POLA1: variants seen among roughly 807,000 people sequenced by gnomAD.
The protein encoded by POLA1 is DNA polymerase alpha 1, catalytic subunit.
Under a neutral mutation model 124.0 loss-of-function variants are expected in POLA1, and 15 were observed. The observed-to-expected ratio is 0.12, with a 90% CI of 0.08 to 0.19. The LOEUF (loss-of-function observed/expected upper bound fraction) is 0.19, where lower values mean the gene tolerates loss of function less well. Among genes scored for constraint, POLA1 ranks in the 10% least tolerant of loss-of-function variants. The pLI, the probability that POLA1 is intolerant of heterozygous loss-of-function variation, is 1.00. For synonymous variants in POLA1, 408 were observed against 389.4 expected, an observed-to-expected ratio of 1.05 and a Z score of -0.56; for missense variants, 886 against 1,103.4, an observed-to-expected ratio of 0.80 and a Z score of 2.79.
intron 26 of POLA1, among the ~76,000 whole-genome samples, chrX:24,790,369 T>A (rs927978615): frequency 1.8e-5 from 2 of 112,302 alleles, no homozygotes; most frequent in African/African-American, 3.2e-5. Flanking sequence ...TTTTATTTAG[T>A]AATAAGGGAT....
intron 36 of POLA1, among the ~76,000 whole-genome samples, chrX:24,950,315 T>G (rs1488857250): frequency 8.9e-6 from 1 of 112,023 alleles, no homozygotes; most frequent in Non-Finnish European, 1.9e-5. Flanking sequence ...GCCCCACATG[T>G]AGCTGTTGAA....
At chrX:24,792,110 A>G (rs187306555) in intron 26 of POLA1, among the ~76,000 whole-genome samples, 2 of 112,405 alleles carry the variant, frequency 1.8e-5, no homozygotes, top group African/African-American at 3.2e-5. Context: ...ATCAGGAGAA[A>G]GACTTTTTTT....
chrX:24,753,052 C>T (rs1267236634), intron 26 of POLA1, among the ~76,000 whole-genome samples: 4 of 109,935 alleles, frequency 3.6e-5, no homozygotes. Flanking sequence ...CTCTCTGTTG[C>T]CCAGGCTGGA....
intron 26 of POLA1, among the ~76,000 whole-genome samples, chrX:24,762,071 A>G (rs1056385417): frequency 2.7e-5 from 3 of 112,250 alleles, no homozygotes; most frequent in Non-Finnish European, 5.6e-5. Flanking sequence ...CAAGTCATCC[A>G]TTCTGCCTTT....
At position 24,815,200 on chromosome X, in the gene POLA1, T is replaced by C. The variant is rs973792913; in HGVS notation, c.3429+89T>C. 9 of 838,618 alleles carry C rather than the reference T, an allele frequency of 1.1e-5. No individual in the cohort carries two copies. The African/African-American group carries it at 1.4e-4, about 13-fold the overall frequency. 69.1% of individuals were successfully genotyped at this position (838,618 alleles called of 1,213,427 possible). ...TTGAAGAACCACCTCATCCTTGCAA[T>C]TGAAATAAATTCTAGCTGGTGATGA... On this transcript the variant is annotated intron_variant, in intron 30 of 36. Transcript: ENST00000379068.
At chrX:24,981,762 TTGG>T (rs1316795700) in intron 36 of POLA1, among the ~76,000 whole-genome samples, 1 of 112,327 alleles carries the variant, frequency 8.9e-6, no homozygotes, top group African/African-American at 3.2e-5. Flanking sequence ...CTCATTATAT[TTGG>T]TGGTAAATAA....
In POLA1 at chrX:24,880,987, C is replaced by T. The variant is rs1056413560; in HGVS notation, c.4048-7019C>T. Reference sequence around the variant, plus strand: ...TGAGCCATTACAATTTAAACTAAATCGTACGTCACTGCAGAACCATGCTGT... The same window carrying T: ...TGAGCCATTACAATTTAAACTAAATTGTACGTCACTGCAGAACCATGCTGT... On this transcript the variant is annotated intron_variant, in intron 34 of 36. Coordinates refer to ENST00000379068, the MANE Select transcript of POLA1 (RefSeq NM_001330360.2). Among the ~76,000 whole-genome samples the T allele has an allele frequency of 2.7e-5, 3 of 112,010 alleles. No individual in the cohort carries two copies. In the South Asian group the frequency reaches 1.1e-3, roughly 42 times the overall value.
At chrX:24,773,251 T>C (rs1311480486) in intron 26 of POLA1, among the ~76,000 whole-genome samples, 2 of 112,559 alleles carry the variant, frequency 1.8e-5, no homozygotes, top group African/African-American at 6.5e-5. Context: ...GCAGAACAAC[T>C]ATACTCTGGA....
At chrX:24,710,169 G>A (rs1344444828) in intron 4 of POLA1, among the ~76,000 whole-genome samples, 3 of 107,610 alleles carry the variant, frequency 2.8e-5, no homozygotes, top group Admixed American at 2.0e-4. Flanking sequence ...AATTTACCAC[G>A]AGTGACATTT....
At chrX:24,902,133 GGGT>G (rs2047289202) in intron 35 of POLA1, among the ~76,000 whole-genome samples, 1 of 111,929 alleles carries the variant, frequency 8.9e-6, no homozygotes, top group Non-Finnish European at 1.9e-5. Flanking sequence ...TGTGTTGAAG[GGGT>G]GGTGGGAAGT....
chrX:24,718,881 A>G (rs1173943298), intron 10 of POLA1, among the ~76,000 whole-genome samples: 1 of 111,485 alleles, frequency 9.0e-6, no homozygotes, highest in Non-Finnish European at 1.9e-5. Flanking sequence ...AATGGATTGG[A>G]TGGGGGAGGT....
chrX:24,721,587 G>A lies in POLA1; in HGVS notation c.1088-1568G>A, dbSNP rs76582385. Among the ~76,000 whole-genome samples the A allele has an allele frequency of 3.6e-5, 4 of 112,152 alleles. No individual in the cohort carries two copies. In the East Asian group the frequency reaches 1.1e-3, roughly 31 times the overall value. Reference sequence around the variant, plus strand: ...ACAGATTCTAAGTAAGTCAGTTGTTGCTGAATGCTCCATAATTATGAAAAG... The same window carrying A: ...ACAGATTCTAAGTAAGTCAGTTGTTACTGAATGCTCCATAATTATGAAAAG... On this transcript the variant is annotated intron_variant, in intron 10 of 36. Coordinates refer to ENST00000379068, the MANE Select transcript of POLA1 (RefSeq NM_001330360.2).
rs762460788 is a variant in POLA1 at position 24,855,793 on chromosome X, C to T, written c.4047+12116C>T. 1.2e-4 allele frequency among the ~76,000 whole-genome samples: 13 copies of T among 111,020 alleles called. No individual in the cohort carries two copies. In the South Asian group the frequency reaches 3.5e-3, roughly 30 times the overall value. On this transcript the variant is annotated intron_variant, in intron 34 of 36. Coordinates refer to ENST00000379068, the MANE Select transcript of POLA1 (RefSeq NM_001330360.2). ...GCAGTGTTCCATGTATACCAAAACC[C>T]GTGCATACTGAAGTCCCACACTTGA...
At chrX:24,872,493 A>G (rs778462810) in intron 34 of POLA1, among the ~76,000 whole-genome samples, 1 of 111,914 alleles carries the variant, frequency 8.9e-6, no homozygotes, top group South Asian at 3.7e-4. Flanking sequence ...TAGGATTGTC[A>G]GTTCCCCTAA....
intron 34 of POLA1, among the ~76,000 whole-genome samples, chrX:24,870,990 C>A (rs1244613285): frequency 8.9e-6 from 1 of 111,738 alleles, no homozygotes; most frequent in Admixed American, 9.5e-5. Context: ...GTATTAAAAT[C>A]CGTAGCAACC....
At chrX:24,916,290 T>TA (rs1443871950) in intron 35 of POLA1, among the ~76,000 whole-genome samples, 1 of 106,049 alleles carries the variant, frequency 9.4e-6, no homozygotes, top group Non-Finnish European at 1.9e-5. Context: ...CTTTTTTCTT[T>TA]TTTTTTTTTT....
At chrX:24,698,886 C>T (rs191279865) in intron 1 of POLA1, among the ~76,000 whole-genome samples, 208 of 111,521 alleles carry the variant, frequency 1.9e-3, no homozygotes, top group African/African-American at 6.4e-3. Context: ...CTCCTGACCT[C>T]GGGTGATCTG....
chrX:24,930,760 C>G (rs765651863), intron 36 of POLA1, among the ~76,000 whole-genome samples: 14 of 112,137 alleles, frequency 1.2e-4, no homozygotes, highest in Non-Finnish European at 2.6e-4. Flanking sequence ...TCACATTGTC[C>G]TCTATTAAAG....
At chrX:24,756,765 A>C (rs887598295) in intron 26 of POLA1, among the ~76,000 whole-genome samples, 1 of 111,060 alleles carries the variant, frequency 9.0e-6, no homozygotes, top group African/African-American at 3.3e-5. Context: ...GTGAAAAATG[A>C]TAAAGAACGC....
Sources: gnomAD v4.1 joint callset for allele counts (sites outside exome capture counted in the v4.1 genomes callset) on GRCh38, gnomAD v4.1.1 for gene constraint, MANE v1.5 for transcripts, NCBI Gene and HGNC (gene_info 2026-07-23, HGNC 2026-07-21) for gene names.